Variants in INVS observed in about 807,000 individuals in gnomAD.
INVS encodes the protein inversion of embryo turning homolog.
Under a neutral mutation model 108.8 loss-of-function variants are expected in INVS, and 86 were observed. The ratio of observed to expected loss-of-function variants is 0.79; its 90% CI spans 0.66 to 0.95. The LOEUF (loss-of-function observed/expected upper bound fraction) is 0.95. Ranked by LOEUF, INVS falls within the 40% of genes least tolerant of loss-of-function variation. The pLI is 0.00. For synonymous variants in INVS, 455 were observed against 473.5 expected, an observed-to-expected ratio of 0.96 and a Z score of 0.51; for missense variants, 1,169 against 1,297.4, an observed-to-expected ratio of 0.90 and a Z score of 1.52.
rs1831818656 is a variant in INVS, at chr9:100,240,135, G to C, written c.691G>C (p.Asp231His). Reference sequence around the variant, plus strand: ...AACTCCTCTTCACTTTGCAGTTGCTGATGGGAATGTGACCGTGGTTGATGT... The same window carrying C: ...AACTCCTCTTCACTTTGCAGTTGCTCATGGGAATGTGACCGTGGTTGATGT... ...GRTPLHFAVA[D>H]GNVTVVDVLT... The change falls in exon 6 of 17, where the codon GAT becomes CAT. Residue 231 changes from aspartate (D) to histidine (H), a missense_variant. By Grantham distance (81) the Asp-to-His change is moderately conservative (BLOSUM62 -1). This residue lies in a region of INVS where 365 missense variants were observed against 397.5 expected (regional missense o/e 0.92). Transcript: ENST00000262457. The C allele has an allele frequency of 5.0e-6, 8 of 1,614,062 alleles. No individual in the cohort carries two copies. The highest frequency in any genetic ancestry group is 6.8e-6 in the Non-Finnish European group (8 of 1,179,912).
chr9:100,194,925 C>T (rs562377558), intron 3 of INVS, among the ~76,000 whole-genome samples: 59 of 152,220 alleles, frequency 3.9e-4, no homozygotes, highest in Non-Finnish European at 6.3e-4. Flanking sequence ...CAGAAAGTTG[C>T]CCACTGGGGT....
At chr9:100,174,349 G>A (rs1220282907) in intron 3 of INVS, among the ~76,000 whole-genome samples, 1 of 151,956 alleles carries the variant, frequency 6.6e-6, no homozygotes, top group African/African-American at 2.4e-5. Flanking sequence ...CAGCAGATTG[G>A]AGATGAAGAG....
At chr9:100,283,062 C>G (rs868118460) in intron 12 of INVS, among the ~76,000 whole-genome samples, 1 of 152,176 alleles carries the variant, frequency 6.6e-6, no homozygotes, top group Non-Finnish European at 1.5e-5. Context: ...TAATCCCAAC[C>G]CTTTGGGAGG....
At chr9:100,129,364 C>T (rs1827984898) in intron 3 of INVS, among the ~76,000 whole-genome samples, 1 of 151,136 alleles carries the variant, frequency 6.6e-6, no homozygotes, top group South Asian at 2.1e-4. Context: ...TGGGCATGGT[C>T]GTGAGCACGT....
chr9:100,256,257 G>C (rs1423792616), intron 10 of INVS, among the ~76,000 whole-genome samples: 4 of 152,098 alleles, frequency 2.6e-5, no homozygotes, highest in Admixed American at 2.0e-4. Context: ...GATTGGTGGT[G>C]ATATTCCCTT....
At chr9:100,228,436 A>G (rs1056914829) in intron 4 of INVS, among the ~76,000 whole-genome samples, 1 of 152,228 alleles carries the variant, frequency 6.6e-6, no homozygotes, top group Non-Finnish European at 1.5e-5. Flanking sequence ...TTGTCTACTG[A>G]TACATGGAAT....
chr9:100,170,753 C>T (rs1051766357), intron 3 of INVS, among the ~76,000 whole-genome samples: 2 of 151,972 alleles, frequency 1.3e-5, no homozygotes, highest in African/African-American at 4.8e-5. Context: ...TTTGTAACTC[C>T]TTATAATCCT....
Position 100,227,700 on chromosome 9 carries a change from T to TA in INVS, c.447+1479dup, listed in dbSNP as rs56736083. On this transcript the variant is annotated intron_variant, in intron 4 of 16. Transcript: ENST00000262457. The stretch of plus-strand genomic sequence containing the variant: ...GGATTCTTGTGCTTGTAAGCCTGAT[T>TA]AAAAAAAAAAAAAATCACAGACTGT... Among the ~76,000 whole-genome samples, 319 of 143,800 alleles carry TA rather than the reference T, an allele frequency of 2.2e-3. 1 individual carries two copies. The highest frequency in any genetic ancestry group is 0.011 in the East Asian group (56 of 4,972). 94.3% of individuals were successfully genotyped at this position (143,800 alleles called of 152,430 possible).
At chr9:100,103,452 C>T (rs1404668436) in intron 1 of INVS, among the ~76,000 whole-genome samples, 1 of 151,930 alleles carries the variant, frequency 6.6e-6, no homozygotes, top group Non-Finnish European at 1.5e-5. Flanking sequence ...CATGGTGAAA[C>T]CCCGTCGCTA....
Position 100,293,027 on chromosome 9 carries a change from C to T in INVS, c.2770C>T (p.Gln924Ter). 1.9e-6 allele frequency: 3 copies of T among 1,613,848 alleles called. No homozygotes were observed. The highest frequency in any genetic ancestry group is 2.5e-6 in the Non-Finnish European group (3 of 1,180,014). ...AAAGAACAAGGCAGCAGCAGTCATC[C>T]AGCGCGCCTGGCGAAGGTAGGAAAA... ...RKKNKAAAVIQRAWRSYQLRK... is the reference protein window; with the variant it reads ...RKKNKAAAVI The change falls in exon 14 of 17, where the codon CAG becomes TAG. Residue 924 changes from glutamine (Q) to a stop codon, truncating the protein, a stop_gained. Coordinates refer to ENST00000262457, the MANE Select transcript of INVS (RefSeq NM_014425.5). LOFTEE classifies it high-confidence loss of function.
chr9:100,196,608 C>T (rs1054724735), intron 3 of INVS, among the ~76,000 whole-genome samples: 20 of 151,338 alleles, frequency 1.3e-4, no homozygotes, highest in African/African-American at 4.6e-4. Context: ...GGTCGCTGTT[C>T]TATCTCAATC....
intron 5 of INVS, among the ~76,000 whole-genome samples, chr9:100,235,833 T>C (rs1351059311): frequency 1.3e-5 from 2 of 152,134 alleles, no homozygotes; most frequent in African/African-American, 4.8e-5. Context: ...GTGAATCTGA[T>C]GATTATGTGT....
intron 3 of INVS, among the ~76,000 whole-genome samples, chr9:100,168,432 G>A (rs1829434381): frequency 6.6e-6 from 1 of 152,176 alleles, no homozygotes; most frequent in African/African-American, 2.4e-5. Context: ...GTGCCATTTG[G>A]CCTCCAGGGC....
chr9:100,176,133 A>G (rs1371981263), intron 3 of INVS: 1 of 435,522 alleles, frequency 2.3e-6, no homozygotes, highest in East Asian at 5.4e-5. Context: ...TGCCTCCCTC[A>G]TAGGATTTTA....
At chr9:100,175,742 T>C in intron 3 of INVS, 1 of 626,618 alleles carries the variant, frequency 1.6e-6, no homozygotes, top group South Asian at 1.4e-5. Flanking sequence ...ACCAGACCTG[T>C]AGCAGTTCGG....
intron 2 of INVS, among the ~76,000 whole-genome samples, chr9:100,118,535 C>T (rs1042161223): frequency 2.0e-5 from 3 of 151,978 alleles, no homozygotes; most frequent in Admixed American, 6.6e-5. Context: ...ATAAGCCTCC[C>T]AGTCTATGGT....
intron 3 of INVS, among the ~76,000 whole-genome samples, chr9:100,200,215 T>C (rs923271420): frequency 6.6e-6 from 1 of 152,230 alleles, no homozygotes; most frequent in Non-Finnish European, 1.5e-5. Context: ...TTCTGTTAAG[T>C]CTTTGACCAT....
intron 3 of INVS, among the ~76,000 whole-genome samples, chr9:100,136,540 CA>C (rs1325121269): frequency 1.3e-5 from 2 of 152,104 alleles, no homozygotes; most frequent in Admixed American, 1.3e-4. Flanking sequence ...ATATCTCAAA[CA>C]TTTTTTTACA....
chr9:100,291,236 G>A (rs565526088), intron 13 of INVS, among the ~76,000 whole-genome samples: 7 of 151,916 alleles, frequency 4.6e-5, no homozygotes, highest in South Asian at 2.1e-4. Context: ...GCTAATTTTC[G>A]TATTTTTAGT....
Sources: gnomAD v4.1 joint callset for allele counts (sites outside exome capture counted in the v4.1 genomes callset) on GRCh38, gnomAD v4.1.1 for gene constraint, gnomAD v4.1.1 regional missense constraint, MANE v1.5 for transcripts, NCBI Gene and HGNC (gene_info 2026-07-23, HGNC 2026-07-21) for gene names.